Variants in GOLGA7 observed in about 807,000 individuals in gnomAD.
GOLGA7 encodes the protein golgin A7.
Under a neutral mutation model 21.1 loss-of-function variants are expected in GOLGA7, and 10 were observed. The ratio of observed to expected loss-of-function variants is 0.47; its 90% CI spans 0.29 to 0.80. The LOEUF is 0.80. Ranked by LOEUF, GOLGA7 falls within the 30% of genes least tolerant of loss-of-function variation. GOLGA7 has a pLI of 0.08. For missense variants in GOLGA7, 114 were observed against 166.8 expected, an observed-to-expected ratio of 0.68 and a Z score of 1.74; for synonymous variants, 64 against 62.6, an observed-to-expected ratio of 1.02 and a Z score of -0.10.
At chr8:41,503,043 T>A (rs1477216177) in intron 2 of GOLGA7, among the ~76,000 whole-genome samples, 1 of 152,194 alleles carries the variant, frequency 6.6e-6, no homozygotes, top group Non-Finnish European at 1.5e-5. Flanking sequence ...TTTTAATTTT[T>A]ATTTTATTTT....
intron 2 of GOLGA7, among the ~76,000 whole-genome samples, chr8:41,505,648 G>A (rs898819300): frequency 6.6e-6 from 1 of 152,182 alleles, no homozygotes; most frequent in Admixed American, 6.5e-5. Context: ...GGAGGAGTGG[G>A]TTGGTTCTCA....
intron 2 of GOLGA7, among the ~76,000 whole-genome samples, chr8:41,500,582 A>G (rs1053020644): frequency 1.3e-5 from 2 of 152,162 alleles, no homozygotes; most frequent in African/African-American, 4.8e-5. Flanking sequence ...GAGTGATGTG[A>G]TGAGATTTTC....
rs1806302978 is a variant in GOLGA7 at position 41,507,044 on chromosome 8, A to C, written c.367-15A>C. 1 of 1,236,632 alleles carries C rather than the reference A, an allele frequency of 8.1e-7. No individual in the cohort carries two copies. Among genetic ancestry groups the C allele is most frequent in the Admixed American group, 1.7e-5 (1 of 59,372 alleles). 76.6% of individuals were successfully genotyped at this position (1,236,632 alleles called of 1,614,324 possible). A position where few individuals can be genotyped will look rare whatever the true frequency, so the allele number is the denominator to read the frequency against. On this transcript the variant is annotated splice_polypyrimidine_tract_variant and intron_variant, in intron 3 of 4. Transcript: ENST00000357743. ...GTGTCCTGTAGTGTGTTTTCTTAACAGCCATGCTGTTTAGATTGAAATTAC... is the reference window on the plus strand; with the variant it reads ...GTGTCCTGTAGTGTGTTTTCTTAACCGCCATGCTGTTTAGATTGAAATTAC...
Position 41,497,046 on chromosome 8 carries a change from G to A in GOLGA7, c.112-463G>A, listed in dbSNP as rs988282534. Among the ~76,000 whole-genome samples, 11 of 151,598 alleles carry A rather than the reference G, an allele frequency of 7.3e-5. No homozygotes were observed. In the South Asian group the frequency reaches 1.3e-3, roughly 17 times the overall value. On this transcript the variant is annotated intron_variant, in intron 1 of 4. Coordinates refer to ENST00000357743, the MANE Select transcript of GOLGA7 (RefSeq NM_001002296.2). Reference sequence around the variant, plus strand: ...AGGATGGTCTCCATCTCCTGACCTCGTGATCCGCCCACCTCAGCCTCCCAA... The same window carrying A: ...AGGATGGTCTCCATCTCCTGACCTCATGATCCGCCCACCTCAGCCTCCCAA...
At chr8:41,504,341 C>CTT (rs1241635471) in intron 2 of GOLGA7, among the ~76,000 whole-genome samples, 1 of 152,070 alleles carries the variant, frequency 6.6e-6, no homozygotes, top group Non-Finnish European at 1.5e-5. Context: ...TGAAGGGAGA[C>CTT]TGAGTCTCCA....
intron 2 of GOLGA7, chr8:41,502,800 A>G (rs566502181): frequency 1.5e-4 from 23 of 152,326 alleles, no homozygotes; most frequent in African/African-American, 5.1e-4. Flanking sequence ...CACTTTGTAA[A>G]TATTATACAA....
At position 41,497,641 on chromosome 8, in the gene GOLGA7, A is replaced by T; in HGVS notation, c.244A>T (p.Met82Leu). ...AACAGCATATACCATCTTCCTATGCATGGAAACTCATTATGAGAAGGTAAT... is the reference window on the plus strand; with the variant it reads ...AACAGCATATACCATCTTCCTATGCTTGGAAACTCATTATGAGAAGGTAAT... Reference protein sequence around the residue: ...CLTAYTIFLCMETHYEKVLKK... With the variant: ...CLTAYTIFLCLETHYEKVLKK... The change falls in exon 2 of 5, where the codon ATG (methionine) becomes TTG (leucine). Residue 82 changes from methionine (M) to leucine (L), a missense_variant. By Grantham distance (15) the Met-to-Leu change is conservative (BLOSUM62 2). Transcript: ENST00000357743. 1 of 1,553,854 alleles carries T rather than the reference A, an allele frequency of 6.4e-7. No individual in the cohort carries two copies. The highest frequency in any genetic ancestry group is 2.3e-5 in the East Asian group (1 of 44,246).
intron 1 of GOLGA7, among the ~76,000 whole-genome samples, chr8:41,493,472 C>G (rs188013673): frequency 1.1e-4 from 17 of 152,316 alleles, no homozygotes; most frequent in Admixed American, 9.1e-4. Context: ...AGTTCATTTT[C>G]TCTGCTGCCT....
rs751771811 is a variant in GOLGA7 at position 41,497,692 on chromosome 8, CTT to C, written c.264+32_264+33del. The C allele has an allele frequency of 4.9e-5, 64 of 1,295,472 alleles. No individual in the cohort carries two copies. In the Admixed American group the frequency reaches 8.9e-4, roughly 18 times the overall value. The allele number at this position is 1,295,472 out of a possible 1,614,324, so 80.2% of individuals were successfully genotyped here. ...GCTACATTTGTTTTCACAAAAATCTCTTAAAATCATGAAGAAGGCAAGTTTAT... is the reference window on the plus strand; with the variant it reads ...GCTACATTTGTTTTCACAAAAATCTCAAAATCATGAAGAAGGCAAGTTTAT... On this transcript the variant is annotated intron_variant, in intron 2 of 4. Transcript: ENST00000357743.
intron 2 of GOLGA7, among the ~76,000 whole-genome samples, chr8:41,498,771 T>TTTCTTGAGGAC (rs1230117645): frequency 6.6e-6 from 1 of 152,242 alleles, no homozygotes; most frequent in Non-Finnish European, 1.5e-5. Context: ...GACAATGCCT[T>TTTCTTGAGGAC]AACCATTTTG....
chr8:41,501,648 G>A (rs760527285), intron 2 of GOLGA7, among the ~76,000 whole-genome samples: 17 of 152,154 alleles, frequency 1.1e-4, no homozygotes, highest in Non-Finnish European at 2.1e-4. Flanking sequence ...CTCCCGTCTC[G>A]GCCTCCCAAA....
At chr8:41,492,697 T>C (rs1292604564) in intron 1 of GOLGA7, among the ~76,000 whole-genome samples, 1 of 152,202 alleles carries the variant, frequency 6.6e-6, no homozygotes, top group Non-Finnish European at 1.5e-5. Context: ...ATACATGGAA[T>C]CAATCAAATG....
At chr8:41,496,988 T>A (rs1472988001) in intron 1 of GOLGA7, among the ~76,000 whole-genome samples, 3 of 151,726 alleles carry the variant, frequency 2.0e-5, no homozygotes, top group Non-Finnish European at 4.4e-5. Context: ...TTTTTGGTAT[T>A]TTTAGTAGAG....
rs1806375424 is a variant in GOLGA7 at position 41,509,729 on chromosome 8, C to G, written c.*161C>G. The G allele has an allele frequency of 6.6e-6, 1 of 152,660 alleles. No homozygotes were observed. The highest frequency in any genetic ancestry group is 1.5e-5 in the Non-Finnish European group (1 of 68,064). 9.5% of individuals were successfully genotyped at this position (152,660 alleles called of 1,614,324 possible). On this transcript the variant is annotated 3_prime_UTR_variant, in exon 5 of 5. Transcript: ENST00000357743. ...GGACTCACTTTCTAAAATTCCACAC[C>G]TGGAGTGACCTCTAGTCGCTCAGCA...
intron 2 of GOLGA7, among the ~76,000 whole-genome samples, chr8:41,499,305 C>G (rs1028914273): frequency 7.2e-5 from 11 of 152,152 alleles, no homozygotes; most frequent in African/African-American, 2.7e-4. Context: ...ACAGGGTGCT[C>G]TTTTAGTTTA....
intron 2 of GOLGA7, among the ~76,000 whole-genome samples, chr8:41,502,114 AT>A (rs1806162590): frequency 6.6e-6 from 1 of 152,242 alleles, no homozygotes; most frequent in African/African-American, 2.4e-5. Flanking sequence ...GGATAATTAG[AT>A]TGTGCAGAAT....
rs1200554916 is a variant in GOLGA7, at chr8:41,495,202, CAAAAAAAAA to C, written c.112-2291_112-2283del. 1.3e-4 allele frequency among the ~76,000 whole-genome samples: 5 copies of C among 39,620 alleles called. 1 individual carries two copies. In the Admixed American group the frequency reaches 1.6e-3, roughly 13 times the overall value. 26.0% of individuals were successfully genotyped at this position (39,620 alleles called of 152,430 possible). On this transcript the variant is annotated intron_variant, in intron 1 of 4. Coordinates refer to ENST00000357743, the MANE Select transcript of GOLGA7 (RefSeq NM_001002296.2). Reference sequence around the variant, plus strand: ...AGGGTGACAGAGTGAGACTCTGTCTCAAAAAAAAAAAAAAAAAAAAAAAAGATTACATTC... The same window carrying C: ...AGGGTGACAGAGTGAGACTCTGTCTCAAAAAAAAAAAAAAAGATTACATTC...
At chr8:41,497,714 G>T in intron 2 of GOLGA7, 53 bp downstream of exon 2, 1 of 908,652 alleles carries the variant, frequency 1.1e-6, no homozygotes, top group Non-Finnish European at 1.8e-6. Context: ...AAGAAGGCAA[G>T]TTTATTACAC....
At chr8:41,508,883 TC>T (rs147789363) in intron 4 of GOLGA7, among the ~76,000 whole-genome samples, 4,019 of 152,322 alleles carry the variant, frequency 0.026, 88 homozygotes, top group Middle Eastern at 0.075. Flanking sequence ...ATTCAATTCT[TC>T]CATTTTTCTT....
Sources: gnomAD v4.1 joint callset for allele counts (sites outside exome capture counted in the v4.1 genomes callset) on GRCh38, gnomAD v4.1.1 for gene constraint, MANE v1.5 for transcripts, NCBI Gene and HGNC (gene_info 2026-07-23, HGNC 2026-07-21) for gene names.